The following NHS variants were observed in gnomAD, a reference collection of about 807,000 sequenced individuals.
NHS encodes actin remodeling regulator NHS.
A neutral mutation model predicts 72.5 loss-of-function variants in NHS; 5 were observed. The ratio of observed to expected loss-of-function variants is 0.07; its 90% confidence interval spans 0.04 to 0.14. The LOEUF (loss-of-function observed/expected upper bound fraction) is 0.14, where lower values mean the gene tolerates loss of function less well. Among genes scored for constraint, NHS ranks in the 10% least tolerant of loss-of-function variants. The pLI, the probability that NHS is intolerant of heterozygous loss-of-function variation, is 1.00. For missense variants in NHS, 1,072 were observed against 1,355.7 expected (o/e 0.79, Z 3.29); for synonymous variants, 464 against 547.7 (o/e 0.85, Z 2.13).
intron 1 of NHS, among the ~76,000 whole-genome samples, chrX:17,378,085 T>A (rs867704406): frequency 1.9e-5 from 2 of 104,468 alleles, no homozygotes; most frequent in Middle Eastern, 5.1e-3. Context: ...TGTGTGTGTG[T>A]GAGACACACC....
At chrX:17,395,099 T>C (rs2064466725) in intron 1 of NHS, among the ~76,000 whole-genome samples, 1 of 109,723 alleles carries the variant, frequency 9.1e-6, no homozygotes, top group Admixed American at 9.8e-5. Context: ...AGCCTACTAC[T>C]CTTCCTCCCA....
At chrX:17,606,801 G>A (rs935131851) in intron 1 of NHS, among the ~76,000 whole-genome samples, 3 of 112,072 alleles carry the variant, frequency 2.7e-5, no homozygotes, top group African/African-American at 9.7e-5. Flanking sequence ...TCATTGGCAC[G>A]ATTCATACTG....
At chrX:17,418,396 G>T (rs1049251435) in intron 1 of NHS, among the ~76,000 whole-genome samples, 4 of 111,728 alleles carry the variant, frequency 3.6e-5, no homozygotes, top group African/African-American at 1.3e-4. Flanking sequence ...GCCCCTCTGG[G>T]TAATTTCCTC....
chrX:17,458,524 ACTCTGTTGC>A (rs2064834242), intron 1 of NHS, among the ~76,000 whole-genome samples: 1 of 106,237 alleles, frequency 9.4e-6, no homozygotes, highest in Non-Finnish European at 1.9e-5. Context: ...AGGGAGTCTC[ACTCTGTTGC>A]CCAGTTTGGA....
chrX:17,621,662 C>T (rs2065774486), intron 1 of NHS, among the ~76,000 whole-genome samples: 1 of 111,665 alleles, frequency 9.0e-6, no homozygotes, highest in Non-Finnish European at 1.9e-5. Flanking sequence ...TAGCTTTTAT[C>T]CTCAGAGATC....
chrX:17,718,954 GGGAA>G (rs1400243092), intron 3 of NHS, among the ~76,000 whole-genome samples: 2 of 76,803 alleles, frequency 2.6e-5, no homozygotes, highest in South Asian at 7.7e-4. Context: ...GGAAGAAGGA[GGGAA>G]GGAAGGAGGG....
At chrX:17,498,687 A>G (rs1040344127) in intron 1 of NHS, among the ~76,000 whole-genome samples, 4 of 111,615 alleles carry the variant, frequency 3.6e-5, no homozygotes, top group African/African-American at 1.3e-4. Context: ...TGGAAAAACA[A>G]GATGCTCAGC....
In NHS at chrX:17,723,770, T is replaced by TGTGTGTGTGCGC. The variant is rs541219770; in HGVS notation, c.1109-528_1109-527insTGTGTGTGCGCG. ...GTGTGTGTGTGTGTGTGTGTGTGTGTGCGCGCGCGTGCGCGCATGGGGAAT... is the reference window on the plus strand; with the variant it reads ...GTGTGTGTGTGTGTGTGTGTGTGTGTGTGTGTGTGCGCGCGCGCGCGTGCGCGCATGGGGAAT... On this transcript the variant is annotated intron_variant, in intron 5 of 8. Transcript: ENST00000676302. 2.6e-3 allele frequency among the ~76,000 whole-genome samples: 241 copies of TGTGTGTGTGCGC among 91,280 alleles called. 1 individual carries two copies. Among genetic ancestry groups the TGTGTGTGTGCGC allele is most frequent in the Non-Finnish European group, 4.0e-3 (192 of 48,431 alleles). The allele number at this position is 91,280 out of a possible 115,157, so 79.3% of individuals were successfully genotyped here.
At chrX:17,397,916 C>T (rs777445304) in intron 1 of NHS, among the ~76,000 whole-genome samples, 4 of 111,744 alleles carry the variant, frequency 3.6e-5, no homozygotes, top group Non-Finnish European at 5.6e-5. Flanking sequence ...AAGGAAGAAG[C>T]TGTCTGTGTA....
intron 1 of NHS, among the ~76,000 whole-genome samples, chrX:17,500,090 T>C (rs749655238): frequency 2.7e-5 from 3 of 112,620 alleles, no homozygotes; most frequent in Non-Finnish European, 3.8e-5. Context: ...ATCTTAATCC[T>C]GGAATTGAGT....
chrX:17,618,552 G>A (rs1449820145), intron 1 of NHS, among the ~76,000 whole-genome samples: 1 of 111,985 alleles, frequency 8.9e-6, no homozygotes, highest in Non-Finnish European at 1.9e-5. Flanking sequence ...ATGGCTTTCT[G>A]TGTGCTCACT....
At chrX:17,379,181 G>T (rs951149838) in intron 1 of NHS, among the ~76,000 whole-genome samples, 2 of 108,999 alleles carry the variant, frequency 1.8e-5, no homozygotes, top group Non-Finnish European at 3.8e-5. Context: ...GCTGCTTCCT[G>T]TTGCCCTGAG....
At chrX:17,533,333 C>G (rs949785893) in intron 1 of NHS, among the ~76,000 whole-genome samples, 7 of 111,923 alleles carry the variant, frequency 6.3e-5, no homozygotes, top group African/African-American at 2.3e-4. Flanking sequence ...GTCACCCAGG[C>G]TGGAGTGCGA....
chrX:17,441,987 T>C (rs1319919124), intron 1 of NHS, among the ~76,000 whole-genome samples: 1 of 111,961 alleles, frequency 8.9e-6, no homozygotes, highest in Non-Finnish European at 1.9e-5. Flanking sequence ...ACCACCCCTG[T>C]CCCCAAGTTT....
At chrX:17,712,722 A>G (rs569574647) in intron 3 of NHS, among the ~76,000 whole-genome samples, 4 of 109,626 alleles carry the variant, frequency 3.6e-5, no homozygotes, top group East Asian at 2.9e-4. Context: ...ATAAGGGTGC[A>G]TTTTGGGCTT....
chrX:17,442,446 G>A (rs1433994343), intron 1 of NHS, among the ~76,000 whole-genome samples: 3 of 112,380 alleles, frequency 2.7e-5, no homozygotes, highest in Non-Finnish European at 3.8e-5. Context: ...CCCACTTGCC[G>A]TTGGCTGGAA....
At chrX:17,688,898 C>A (rs2066179561) in intron 2 of NHS, among the ~76,000 whole-genome samples, 1 of 111,757 alleles carries the variant, frequency 8.9e-6, no homozygotes, top group Non-Finnish European at 1.9e-5. Flanking sequence ...GTTTTAGAGC[C>A]CCCTAAATTG....
intron 3 of NHS, among the ~76,000 whole-genome samples, chrX:17,707,826 T>G (rs1311596435): frequency 9.0e-6 from 1 of 111,519 alleles, no homozygotes; most frequent in Non-Finnish European, 1.9e-5. Flanking sequence ...CCGTCTTCTC[T>G]TGTTCATCCT....
At chrX:17,549,571 A>G (rs1350339972) in intron 1 of NHS, among the ~76,000 whole-genome samples, 1 of 111,939 alleles carries the variant, frequency 8.9e-6, no homozygotes, top group Non-Finnish European at 1.9e-5. Flanking sequence ...AGCTTTTCAC[A>G]GCAGCGGTGG....
Sources: gnomAD v4.1 joint callset for allele counts (sites outside exome capture counted in the v4.1 genomes callset) on GRCh38, gnomAD v4.1.1 for gene constraint, MANE v1.5 for transcripts, NCBI Gene and HGNC (gene_info 2026-07-23, HGNC 2026-07-21) for gene names.